Variants in ZMIZ1 observed in about 807,000 individuals in gnomAD.
ZMIZ1 encodes the protein zinc finger MIZ domain-containing protein 1.
Under a neutral mutation model 113.9 loss-of-function variants are expected in ZMIZ1, and 17 were observed. That is an observed-to-expected ratio of 0.15 (90% CI 0.10 to 0.22). The LOEUF (loss-of-function observed/expected upper bound fraction) is 0.22. Ranked by LOEUF, ZMIZ1 falls within the 10% of genes least tolerant of loss-of-function variation. The pLI is 1.00. For synonymous variants in ZMIZ1, 607 were observed against 603.1 expected, an observed-to-expected ratio of 1.01 and a Z score of -0.09; for missense variants, 1,059 against 1,477.8, an observed-to-expected ratio of 0.72 and a Z score of 4.65.
At chr10:79,236,493 A>G (rs1849594806) in intron 7 of ZMIZ1, among the ~76,000 whole-genome samples, 1 of 152,214 alleles carries the variant, frequency 6.6e-6, no homozygotes, top group South Asian at 2.1e-4. Flanking sequence ...AGGCACGGAC[A>G]TTCGAGCTGC....
chr10:79,090,452 G>A (rs544031991), intron 1 of ZMIZ1, among the ~76,000 whole-genome samples: 4 of 152,320 alleles, frequency 2.6e-5, no homozygotes, highest in African/African-American at 7.2e-5. Flanking sequence ...CTCTCAGGGT[G>A]TGGGGCTGGT....
intron 1 of ZMIZ1, among the ~76,000 whole-genome samples, chr10:79,101,565 G>T (rs1843364646): frequency 6.6e-6 from 1 of 152,164 alleles, no homozygotes; most frequent in African/African-American, 2.4e-5. Flanking sequence ...TGGTGGCCTT[G>T]GTGTATCTTA....
intron 3 of ZMIZ1, among the ~76,000 whole-genome samples, chr10:79,150,352 C>T (rs571515810): frequency 3.6e-4 from 55 of 152,356 alleles, no homozygotes; most frequent in Middle Eastern, 6.8e-3. Flanking sequence ...GACCTCGGGC[C>T]GCCCTGCCTC....
chr10:79,120,489 C>T (rs1467609996), intron 2 of ZMIZ1, among the ~76,000 whole-genome samples: 4 of 152,180 alleles, frequency 2.6e-5, no homozygotes, highest in African/African-American at 4.8e-5. Context: ...CAGCCTGGGC[C>T]GAGGCTGAGC....
At chr10:79,301,063 C>A in intron 17 of ZMIZ1, 121 bp downstream of exon 17, 1 of 1,375,998 alleles carries the variant, frequency 7.3e-7, no homozygotes, top group South Asian at 1.4e-5. Flanking sequence ...CACCCCCGTG[C>A]CCACAGCCGC....
chr10:79,170,718 G>C (rs1194349121), intron 4 of ZMIZ1, among the ~76,000 whole-genome samples: 2 of 152,196 alleles, frequency 1.3e-5, no homozygotes, highest in Non-Finnish European at 2.9e-5. Context: ...ACTGCAGAAT[G>C]ACCCCGCAGA....
At chr10:79,074,918 G>T (rs1316530344) in intron 1 of ZMIZ1, among the ~76,000 whole-genome samples, 1 of 152,276 alleles carries the variant, frequency 6.6e-6, no homozygotes, top group Non-Finnish European at 1.5e-5. Context: ...TGCCTGTCAG[G>T]CCCAGCTGCC....
At chr10:79,190,197 C>A (rs973510673) in intron 4 of ZMIZ1, among the ~76,000 whole-genome samples, 1 of 152,206 alleles carries the variant, frequency 6.6e-6, no homozygotes, top group African/African-American at 2.4e-5. Context: ...CCACCCCAAC[C>A]CCCAAGGCGG....
intron 8 of ZMIZ1, among the ~76,000 whole-genome samples, chr10:79,286,598 C>T (rs1391959531): frequency 6.6e-6 from 1 of 152,258 alleles, no homozygotes; most frequent in Non-Finnish European, 1.5e-5. Flanking sequence ...CCTCCATATG[C>T]CTGCGTGCAT....
intron 4 of ZMIZ1, among the ~76,000 whole-genome samples, chr10:79,175,938 CAG>C (rs1846839562): frequency 1.3e-5 from 2 of 152,076 alleles, no homozygotes; most frequent in African/African-American, 4.8e-5. Context: ...TGGGAAAAGG[CAG>C]AGAGGGGAGA....
At position 79,316,141 on chromosome 10, in the gene ZMIZ1, A is replaced by G. The variant is rs1042040961; in HGVS notation, c.*3392A>G. 2.0e-5 allele frequency: 3 copies of G among 152,492 alleles called. No individual in the cohort carries two copies. Among genetic ancestry groups the G allele is most frequent in the African/African-American group, 7.3e-5 (3 of 41,316 alleles). 9.4% of individuals were successfully genotyped at this position (152,492 alleles called of 1,614,324 possible). Reference sequence around the variant, plus strand: ...ATTCATACTTTGTATAATTTTTGATATCATGATCACAGGTGATTCACACGT... The same window carrying G: ...ATTCATACTTTGTATAATTTTTGATGTCATGATCACAGGTGATTCACACGT... On this transcript the variant is annotated 3_prime_UTR_variant, in exon 25 of 25. Transcript: ENST00000334512.
At chr10:79,283,130 C>T (rs773808586) in intron 8 of ZMIZ1, among the ~76,000 whole-genome samples, 14 of 152,234 alleles carry the variant, frequency 9.2e-5, no homozygotes, top group African/African-American at 3.4e-4. Flanking sequence ...AGTCAAAACT[C>T]GCTAGGGCTG....
intron 1 of ZMIZ1, among the ~76,000 whole-genome samples, chr10:79,096,775 C>G (rs540975079): frequency 5.9e-5 from 9 of 152,308 alleles, no homozygotes; most frequent in Admixed American, 3.3e-4. Context: ...AGATCCCTGT[C>G]TGCTGGGAGC....
chr10:79,272,268 AG>A (rs1851994575), intron 7 of ZMIZ1, among the ~76,000 whole-genome samples: 1 of 152,186 alleles, frequency 6.6e-6, no homozygotes, highest in South Asian at 2.1e-4. Flanking sequence ...CCTGGGTGAC[AG>A]AACAAGACTG....
Position 79,175,618 on chromosome 10 carries a change from GTGTGTGTGTGTGGAGGTTTT to G in ZMIZ1, c.-50+13487_-50+13506del, listed in dbSNP as rs1337474776. Among the ~76,000 whole-genome samples the G allele has an allele frequency of 1.5e-3, 166 of 111,314 alleles. 3 individuals are homozygous for G. Among genetic ancestry groups the G allele is most frequent in the African/African-American group, 6.0e-3 (145 of 23,994 alleles). The allele number at this position is 111,314 out of a possible 152,430, so 73.0% of individuals were successfully genotyped here. A position where few individuals can be genotyped will look rare whatever the true frequency, so the allele number is the denominator to read the frequency against. ...TGTGTGTGTGTGTGTGTGTGTGTGT[GTGTGTGTGTGTGGAGGTTTT>G]TACAGACCCGCATGTATGTGTCCCT... On this transcript the variant is annotated intron_variant, in intron 4 of 24. Transcript: ENST00000334512.
intron 4 of ZMIZ1, among the ~76,000 whole-genome samples, chr10:79,179,746 T>C (rs980261768): frequency 1.3e-5 from 2 of 152,248 alleles, no homozygotes; most frequent in Non-Finnish European, 2.9e-5. Flanking sequence ...GAAAAACACA[T>C]TGGCTTCATT....
chr10:79,256,984 A>T (rs976309316), intron 7 of ZMIZ1, among the ~76,000 whole-genome samples: 5 of 152,226 alleles, frequency 3.3e-5, no homozygotes, highest in African/African-American at 1.2e-4. Context: ...TCAGGCTTCT[A>T]TGTGAGTGCT....
chr10:79,159,201 G>A (rs941567783), intron 3 of ZMIZ1, among the ~76,000 whole-genome samples: 13 of 152,170 alleles, frequency 8.5e-5, no homozygotes, highest in Non-Finnish European at 1.2e-4. Context: ...CCAGCCCCTC[G>A]TGGTTTATCC....
chr10:79,195,902 T>C (rs1847812208), intron 4 of ZMIZ1, among the ~76,000 whole-genome samples: 1 of 152,182 alleles, frequency 6.6e-6, no homozygotes, highest in Admixed American at 6.5e-5. Flanking sequence ...CTCTGAGCCT[T>C]TTAAGGATGA....
Sources: gnomAD v4.1 joint callset for allele counts (sites outside exome capture counted in the v4.1 genomes callset) on GRCh38, gnomAD v4.1.1 for gene constraint, MANE v1.5 for transcripts, NCBI Gene and HGNC (gene_info 2026-07-23, HGNC 2026-07-21) for gene names.